ADGRB3: variants seen among roughly 807,000 people sequenced by gnomAD.
ADGRB3 encodes adhesion G protein-coupled receptor B3, also known as brain-specific angiogenesis inhibitor 3.
Under a neutral mutation model 193.4 loss-of-function variants are expected in ADGRB3, and 37 were observed. The observed-to-expected ratio is 0.19, with a 90% CI of 0.15 to 0.25. The LOEUF is 0.25. Among genes scored for constraint, ADGRB3 ranks in the 10% least tolerant of loss-of-function variants. ADGRB3 has a pLI of 1.00. For synonymous variants in ADGRB3, 690 were observed against 644.2 expected, an observed-to-expected ratio of 1.07 and a Z score of -1.08; for missense variants, 1,637 against 1,852.9, an observed-to-expected ratio of 0.88 and a Z score of 2.14.
At chr6:69,217,120 G>A (rs1355081888) in intron 17 of ADGRB3, among the ~76,000 whole-genome samples, 1 of 152,178 alleles carries the variant, frequency 6.6e-6, no homozygotes, top group African/African-American at 2.4e-5. Flanking sequence ...TGAGAAAAGG[G>A]ACCTTCAGTT....
intron 17 of ADGRB3, among the ~76,000 whole-genome samples, chr6:69,137,431 C>CA (rs1173191586): frequency 6.6e-6 from 1 of 151,606 alleles, no homozygotes; most frequent in Non-Finnish European, 1.5e-5. Context: ...CACACACACG[C>CA]AAAAACAAAT....
intron 3 of ADGRB3, among the ~76,000 whole-genome samples, chr6:68,829,381 C>A (rs1411639105): frequency 6.6e-6 from 1 of 152,010 alleles, no homozygotes; most frequent in African/African-American, 2.4e-5. Context: ...GGAATACAAG[C>A]ATGAGCCACC....
At chr6:69,259,695 CAAAAAAAAAAAA>C (rs397887907) in intron 20 of ADGRB3, among the ~76,000 whole-genome samples, 1 of 76,152 alleles carries the variant, frequency 1.3e-5, no homozygotes, top group African/African-American at 4.9e-5. Context: ...GACTCTGTCT[CAAAAAAAAAAAA>C]AAAAAAAAAA....
At chr6:68,810,009 A>C (rs1767479155) in intron 3 of ADGRB3, among the ~76,000 whole-genome samples, 1 of 152,158 alleles carries the variant, frequency 6.6e-6, no homozygotes, top group South Asian at 2.1e-4. Flanking sequence ...TCCTGGTAAT[A>C]CCATATGTTT....
At chr6:68,787,285 T>C (rs1275744649) in intron 3 of ADGRB3, among the ~76,000 whole-genome samples, 3 of 152,152 alleles carry the variant, frequency 2.0e-5, no homozygotes, top group Non-Finnish European at 2.9e-5. Flanking sequence ...ATATTGGCTG[T>C]GGGTTTGTCA....
chr6:68,643,112 C>T (rs969589342), intron 3 of ADGRB3, among the ~76,000 whole-genome samples: 2 of 152,146 alleles, frequency 1.3e-5, no homozygotes, highest in Non-Finnish European at 2.9e-5. Flanking sequence ...TTACTGACAT[C>T]AATGGTGCTA....
At chr6:68,835,860 A>T (rs1768035933) in intron 3 of ADGRB3, among the ~76,000 whole-genome samples, 1 of 152,010 alleles carries the variant, frequency 6.6e-6, no homozygotes, top group South Asian at 2.1e-4. Flanking sequence ...TTAGTGGATT[A>T]TTTATTTTCC....
chr6:69,097,178 C>A (rs1016543962), intron 17 of ADGRB3, among the ~76,000 whole-genome samples: 11 of 152,186 alleles, frequency 7.2e-5, no homozygotes, highest in African/African-American at 2.7e-4. Flanking sequence ...TGCCACTTAT[C>A]ACATCATGAG....
chr6:69,164,591 A>T (rs531697742), intron 17 of ADGRB3, among the ~76,000 whole-genome samples: 4 of 152,250 alleles, frequency 2.6e-5, no homozygotes, highest in African/African-American at 7.2e-5. Context: ...CATTAGCACC[A>T]GCCTAGAAGC....
intron 3 of ADGRB3, among the ~76,000 whole-genome samples, chr6:68,743,743 T>C (rs879505181): frequency 2.0e-5 from 3 of 152,126 alleles, no homozygotes; most frequent in Non-Finnish European, 4.4e-5. Flanking sequence ...AGTAAATTTC[T>C]GTTGAGAAAT....
chr6:68,774,998 G>A (rs1365600736), intron 3 of ADGRB3, among the ~76,000 whole-genome samples: 2 of 152,020 alleles, frequency 1.3e-5, no homozygotes, highest in Non-Finnish European at 2.9e-5. Flanking sequence ...CATTCTAGTT[G>A]TTTAAAAGAC....
chr6:69,219,563 A>G (rs1765849622), intron 17 of ADGRB3, among the ~76,000 whole-genome samples: 1 of 148,074 alleles, frequency 6.8e-6, no homozygotes, highest in Non-Finnish European at 1.5e-5. Context: ...GGCTGTAGGT[A>G]AGAGAAAAAC....
At chr6:68,696,177 G>A (rs1202292538) in intron 3 of ADGRB3, among the ~76,000 whole-genome samples, 2 of 151,792 alleles carry the variant, frequency 1.3e-5, no homozygotes, top group African/African-American at 4.8e-5. Context: ...ATATTTAGAG[G>A]GAACTTTTGG....
intron 13 of ADGRB3, among the ~76,000 whole-genome samples, chr6:69,038,472 G>A (rs1180548777): frequency 6.6e-6 from 1 of 152,036 alleles, no homozygotes; most frequent in Non-Finnish European, 1.5e-5. Flanking sequence ...GAGGAAAGAG[G>A]GGGAATTTAT....
At chr6:69,134,754 G>A (rs1200641661) in intron 17 of ADGRB3, among the ~76,000 whole-genome samples, 2 of 151,520 alleles carry the variant, frequency 1.3e-5, no homozygotes, top group Admixed American at 6.6e-5. Flanking sequence ...TATGTATGGT[G>A]TGTGTGTATA....
chr6:68,781,361 A>C (rs1354022650), intron 3 of ADGRB3, among the ~76,000 whole-genome samples: 2 of 152,178 alleles, frequency 1.3e-5, no homozygotes, highest in South Asian at 4.1e-4. Context: ...ACTTTAGACC[A>C]GTGAAGCTAA....
chr6:69,258,093 A>G (rs1766821778), intron 20 of ADGRB3, among the ~76,000 whole-genome samples: 1 of 152,218 alleles, frequency 6.6e-6, no homozygotes, highest in South Asian at 2.1e-4. Flanking sequence ...TAGCGATATA[A>G]AGACGAATAT....
chr6:68,806,159 T>A (rs1404535818), intron 3 of ADGRB3, among the ~76,000 whole-genome samples: 1 of 152,220 alleles, frequency 6.6e-6, no homozygotes, highest in Non-Finnish European at 1.5e-5. Flanking sequence ...TTGATTAAGA[T>A]GGTTTGATAA....
intron 3 of ADGRB3, among the ~76,000 whole-genome samples, chr6:68,706,713 G>A (rs934989955): frequency 3.3e-5 from 5 of 152,182 alleles, no homozygotes; most frequent in African/African-American, 1.2e-4. Flanking sequence ...GACTTAATGA[G>A]AACTAATTAA....
Sources: gnomAD v4.1 joint callset for allele counts (sites outside exome capture counted in the v4.1 genomes callset) on GRCh38, gnomAD v4.1.1 for gene constraint, MANE v1.5 for transcripts, NCBI Gene and HGNC (gene_info 2026-07-23, HGNC 2026-07-21) for gene names.